The following YARS1 variants were observed in gnomAD, a reference collection of about 807,000 sequenced individuals.
YARS1 encodes tyrosine--tRNA ligase, cytoplasmic.
In YARS1, 36 loss-of-function variants were observed where a neutral mutation model predicts 62.2. The ratio of observed to expected loss-of-function variants is 0.58; its 90% CI spans 0.44 to 0.76. The LOEUF (loss-of-function observed/expected upper bound fraction) is 0.76, where lower values mean the gene tolerates loss of function less well. Ranked by LOEUF, YARS1 falls within the 30% of genes least tolerant of loss-of-function variation. The pLI, the probability that YARS1 is intolerant of heterozygous loss-of-function variation, is 0.00. For synonymous variants in YARS1, 234 were observed against 244.9 expected (o/e 0.96, Z 0.42); for missense variants, 524 against 639.8 (o/e 0.82, Z 1.95).
chr1:32,803,665 T>C (rs932826614), intron 4 of YARS1, among the ~76,000 whole-genome samples: 1 of 152,174 alleles, frequency 6.6e-6, no homozygotes, highest in African/African-American at 2.4e-5. Flanking sequence ...GCCACCTTCA[T>C]CAATGATCTT....
chr1:32,792,934 A>G (rs898121837), intron 5 of YARS1, among the ~76,000 whole-genome samples: 4 of 151,656 alleles, frequency 2.6e-5, no homozygotes, highest in Admixed American at 1.3e-4. Context: ...AAATAAGAGT[A>G]CATAGGCAGA....
chr1:32,792,345 C>T (rs1438160506), intron 5 of YARS1, among the ~76,000 whole-genome samples: 2 of 152,136 alleles, frequency 1.3e-5, no homozygotes, highest in East Asian at 1.9e-4. Context: ...AGCCTAAAAC[C>T]AACCCCTGAC....
chr1:32,786,471 A>C, intron 7 of YARS1, 24 bp from the exon 8 acceptor site: 1 of 1,602,088 alleles, frequency 6.2e-7, no homozygotes, highest in Non-Finnish European at 8.5e-7. Flanking sequence ...GATCCATGTC[A>C]ACAAACTCAT....
intron 5 of YARS1, among the ~76,000 whole-genome samples, chr1:32,792,404 C>A (rs1653437893): frequency 6.6e-6 from 1 of 152,188 alleles, no homozygotes; most frequent in Non-Finnish European, 1.5e-5. Context: ...GAAAACATAG[C>A]ATCCTACAAA....
chr1:32,780,539 C>T lies in YARS1; in HGVS notation c.1141-261G>A, dbSNP rs545957961. 192 of 531,946 alleles carry T rather than the reference C, an allele frequency of 3.6e-4. 1 individual carries two copies. The South Asian group carries it at 3.8e-3, about 11-fold the overall frequency. 33.0% of individuals were successfully genotyped at this position (531,946 alleles called of 1,614,324 possible). On this transcript the variant is annotated intron_variant, in intron 10 of 12. Coordinates refer to ENST00000373477, the MANE Select transcript of YARS1 (RefSeq NM_003680.4). ...AGAGGTGGAAGGATCTCTAAGCCAT[C>T]TGATGCAGGAGCACCAGCATTGATC...
At chr1:32,785,890 C>CTT (rs11344284) in intron 8 of YARS1, among the ~76,000 whole-genome samples, 1 of 146,428 alleles carries the variant, frequency 6.8e-6, no homozygotes, top group African/African-American at 2.5e-5. Context: ...AGCCCATTTT[C>CTT]TTTTTTTTTT....
At position 32,782,413 on chromosome 1, in the gene YARS1, A is replaced by C. The variant is rs1653088767; in HGVS notation, c.1033T>G (p.Ser345Ala). 1 of 1,613,700 alleles carries C rather than the reference A, an allele frequency of 6.2e-7. No individual in the cohort carries two copies. Among genetic ancestry groups the C allele is most frequent in the African/African-American group, 1.3e-5 (1 of 74,836 alleles). ...KLASAAYPDP[S>A]KQKPMAKGPA... ...CTCCAGCTGGCCTTACTCTGCTTTG[A>C]GGGATCTGGGTAGGCAGCGCTGGCC... The change falls in exon 9 of 13, where the codon TCA becomes GCA. Residue 345 changes from serine (S) to alanine (A), a missense_variant. Physicochemically the swap from Ser to Ala is moderately conservative, Grantham distance 99. Transcript: ENST00000373477.
chr1:32,792,325 G>A lies in YARS1; in HGVS notation c.592-1071C>T, dbSNP rs1266957228. Among the ~76,000 whole-genome samples, 7 of 152,184 alleles carry A rather than the reference G, an allele frequency of 4.6e-5. No homozygotes were observed. In the East Asian group the frequency reaches 5.8e-4, roughly 13 times the overall value. ...GAGTAAAGGCTAAGCTGAAGTAGAC[G>A]TTCTAACAAAGCCTAAAACCAACCC... is the stretch of plus-strand genomic sequence containing the variant. On this transcript the variant is annotated intron_variant, in intron 5 of 12. Transcript: ENST00000373477.
chr1:32,781,265 A>C (rs563189471), intron 9 of YARS1, 120 bp from the exon 10 acceptor site: 2 of 844,282 alleles, frequency 2.4e-6, no homozygotes, highest in South Asian at 2.8e-5. Flanking sequence ...CAGAGTCTAA[A>C]CACTGAGTTG....
intron 4 of YARS1, among the ~76,000 whole-genome samples, chr1:32,805,202 T>G (rs1638425648): frequency 8.9e-6 from 1 of 112,296 alleles, no homozygotes; most frequent in Non-Finnish European, 1.7e-5. Flanking sequence ...CGGCTCGGCA[T>G]CAGAGGGAGA....
intron 8 of YARS1, 29 bp downstream of exon 8, chr1:32,786,333 T>G (rs1441264254): frequency 1.2e-6 from 2 of 1,606,888 alleles, no homozygotes; most frequent in East Asian, 2.2e-5. Flanking sequence ...CAGATCTTCA[T>G]GAAAGGATTC....
chr1:32,800,108 G>T (rs1278920682), intron 4 of YARS1, among the ~76,000 whole-genome samples: 1 of 152,034 alleles, frequency 6.6e-6, no homozygotes, highest in African/African-American at 2.4e-5. Flanking sequence ...AGCCTCACAA[G>T]TAGCTGGGAC....
chr1:32,776,082 T>C lies in YARS1; in HGVS notation c.1486A>G (p.Lys496Glu), dbSNP rs200375230. 5.9e-5 allele frequency: 95 copies of C among 1,613,816 alleles called. No individual in the cohort carries two copies. The African/African-American group carries it at 1.1e-3, about 19-fold the overall frequency. Residue 496 changes from lysine to glutamate, a missense_variant, in exon 13 of 13, where the codon AAA becomes GAA. By Grantham distance (56) the Lys-to-Glu change is moderately conservative. Transcript: ENST00000373477. This position sits in a 1 kb window ranked among gnomAD's most constrained non-coding sequence, Gnocchi z 4.0. The part of the protein sequence containing the change: ...KVFEKLQADF[K>E]ISEECIAQWK... ...TGTGCGATGCACTCCTCAGAAATTT[T>C]GAAGTCAGCCTGGACAAGACAGATA...
intron 6 of YARS1, among the ~76,000 whole-genome samples, chr1:32,790,181 CTTT>C (rs750131866): frequency 8.7e-6 from 1 of 115,398 alleles, no homozygotes; most frequent in Non-Finnish European, 1.8e-5. Context: ...CCACGCAGGC[CTTT>C]TTTTTTTTTT....
At position 32,776,501 on chromosome 1, in the gene YARS1, G is replaced by C. The variant is rs1652865254; in HGVS notation, c.1477-410C>G. Among the ~76,000 whole-genome samples, 1 of 152,154 alleles carries C rather than the reference G, an allele frequency of 6.6e-6. No individual in the cohort carries two copies. Among genetic ancestry groups the C allele is most frequent in the African/African-American group, 2.4e-5 (1 of 41,438 alleles). ...AGGTAAGCTGGCTCAGCTTTTCTAA[G>C]AAATGTTTGTCAAAAGCTTTCACAT... On this transcript the variant is annotated intron_variant, in intron 12 of 12. Transcript: ENST00000373477. The surrounding 1 kb of genome is among the most constrained non-coding windows in gnomAD (Gnocchi z 4.0).
chr1:32,782,302 C>T, intron 9 of YARS1, 102 bp downstream of exon 9: 3 of 1,594,950 alleles, frequency 1.9e-6, no homozygotes, highest in Non-Finnish European at 1.7e-6. Flanking sequence ...CACTTCAGAC[C>T]CCCTGGGTTG....
At position 32,780,216 on chromosome 1, in the gene YARS1, A is replaced by T; in HGVS notation, c.1203T>A (p.Thr401=). 6.2e-7 allele frequency: 1 copy of T among 1,614,094 alleles called. No individual in the cohort carries two copies. Residue 401 remains threonine (T), a synonymous_variant, in exon 11 of 13, where the codon ACT becomes ACA. Coordinates refer to ENST00000373477, the MANE Select transcript of YARS1 (RefSeq NM_003680.4). The part of the protein sequence containing the change: ...KIDVGEAEPR[T]VVSGLVQFVP... Reference sequence around the variant, plus strand: ...CGAACTGTACCAGGCCGCTCACCACAGTCCGTGGTTCAGCTTCCCCCACGT... The same window carrying T: ...CGAACTGTACCAGGCCGCTCACCACTGTCCGTGGTTCAGCTTCCCCCACGT...
intron 8 of YARS1, chr1:32,783,275 T>TA (rs1214461593): frequency 1.3e-5 from 2 of 152,348 alleles, no homozygotes; most frequent in African/African-American, 2.4e-5. Flanking sequence ...TCGTACATGG[T>TA]AATAGTTCAG....
intron 12 of YARS1, among the ~76,000 whole-genome samples, chr1:32,778,350 T>C (rs1361685583): frequency 6.6e-6 from 1 of 152,036 alleles, no homozygotes; most frequent in African/African-American, 2.4e-5. Flanking sequence ...TGCTCTAAAC[T>C]CAAGATGGGC....
Sources: gnomAD v4.1 joint callset for allele counts (sites outside exome capture counted in the v4.1 genomes callset) on GRCh38, gnomAD v4.1.1 for gene constraint, Gnocchi (gnomAD v3.1) non-coding constraint, MANE v1.5 for transcripts, NCBI Gene and HGNC (gene_info 2026-07-23, HGNC 2026-07-21) for gene names.